ALLC: variants seen among roughly 807,000 people sequenced by gnomAD.
ALLC encodes the protein allantoicase.
Under a neutral mutation model 45.0 loss-of-function variants are expected in ALLC, and 40 were observed. The ratio of observed to expected loss-of-function variants is 0.89; its 90% CI spans 0.69 to 1.16. ALLC has a LOEUF of 1.16. Among genes scored for constraint, ALLC ranks in the 50% most tolerant of loss-of-function variants. The probability of loss-of-function intolerance (pLI) is 0.00; values close to 1 mark genes in which losing one functional copy is unlikely to be tolerated. For synonymous variants in ALLC, 176 were observed against 178.1 expected (o/e 0.99, Z 0.09); for missense variants, 488 against 493.1 (o/e 0.99, Z 0.10).
At chr2:3,701,483 G>A in intron 10 of ALLC, 29 bp from the exon 11 acceptor site, 5 of 1,556,752 alleles carry the variant, frequency 3.2e-6, no homozygotes, top group Non-Finnish European at 3.5e-6. Flanking sequence ...AATGCGGGCA[G>A]AAAATCACGC....
rs2148009401 is a variant in ALLC at position 3,683,318 on chromosome 2, T to C, written c.511+244T>C. ...TGGAACTAAGTTGTATTAGGTTAGA[T>C]AGATCCTAACTAGATTTCACAAGTA... On this transcript the variant is annotated intron_variant, in intron 7 of 11. Coordinates refer to ENST00000252505, the MANE Select transcript of ALLC (RefSeq NM_018436.4). 1.3e-5 allele frequency among the ~76,000 whole-genome samples: 2 copies of C among 152,368 alleles called. 1 individual carries two copies. The highest frequency in any genetic ancestry group is 4.1e-4 in the South Asian group (2 of 4,830).
chr2:3,655,603 G>T (rs1482730914), upstream of ALLC, among the ~76,000 whole-genome samples: 1 of 152,174 alleles, frequency 6.6e-6, no homozygotes, highest in Non-Finnish European at 1.5e-5. Flanking sequence ...ATACAGGTGT[G>T]TGTCATCATG....
intron 7 of ALLC, among the ~76,000 whole-genome samples, chr2:3,694,180 GC>G (rs1667597011): frequency 6.6e-6 from 1 of 152,164 alleles, no homozygotes; most frequent in Non-Finnish European, 1.5e-5. Context: ...CTGAGTGGAA[GC>G]CCTGCTTTTC....
chr2:3,697,769 G>T (rs1013513397), intron 10 of ALLC, among the ~76,000 whole-genome samples: 1 of 151,868 alleles, frequency 6.6e-6, no homozygotes, highest in African/African-American at 2.4e-5. Context: ...GGGTCCAAGC[G>T]ATTCTCCTGC....
intron 10 of ALLC, 70 bp from the exon 11 acceptor site, chr2:3,701,442 G>T: frequency 6.9e-7 from 1 of 1,449,326 alleles, no homozygotes; most frequent in Non-Finnish European, 9.2e-7. Flanking sequence ...TATTAAAAAA[G>T]CATGATATCC....
Position 3,674,010 on chromosome 2 carries a change from G to A in ALLC, c.34-65G>A, listed in dbSNP as rs12466005. 1.2e-3 allele frequency: 1,477 copies of A among 1,190,942 alleles called. 15 individuals carry two copies. In the Admixed American group the frequency reaches 0.016, roughly 13 times the overall value. 73.8% of individuals were successfully genotyped at this position (1,190,942 alleles called of 1,614,324 possible). A position where few individuals can be genotyped will look rare whatever the true frequency, so the allele number is the denominator to read the frequency against. ...CTTCATCTCATAATGTTTCACTAGG[G>A]AATGAAATAAAATGGTATCAGATTT... On this transcript the variant is annotated intron_variant, in intron 2 of 11. Coordinates refer to ENST00000252505, the MANE Select transcript of ALLC (RefSeq NM_018436.4).
intron 1 of ALLC, among the ~76,000 whole-genome samples, chr2:3,659,781 C>T (rs1666525566): frequency 1.3e-5 from 2 of 152,242 alleles, no homozygotes; most frequent in Non-Finnish European, 2.9e-5. Flanking sequence ...TGCCTGGAAT[C>T]TCTCGGGAAC....
the ALLC span, among the ~76,000 whole-genome samples, chr2:3,646,811 C>T: frequency 2.0e-5 from 3 of 152,198 alleles, no homozygotes; most frequent in Non-Finnish European, 2.9e-5. Context: ...GAATATTTCT[C>T]CGTTTCTGAC....
intron 1 of ALLC, 53 bp from the exon 2 acceptor site, chr2:3,671,043 C>T: frequency 9.3e-7 from 1 of 1,076,556 alleles, no homozygotes; most frequent in South Asian, 1.4e-5. Flanking sequence ...TAGACGGGGC[C>T]TCACTCACTC....
At chr2:3,675,429 C>A (rs1666997373) in intron 3 of ALLC, among the ~76,000 whole-genome samples, 1 of 147,264 alleles carries the variant, frequency 6.8e-6, no homozygotes, top group African/African-American at 2.5e-5. Context: ...TCACTGGCAA[C>A]AAGAGAGATC....
chr2:3,683,773 G>T (rs1667258791), intron 7 of ALLC, among the ~76,000 whole-genome samples: 1 of 152,130 alleles, frequency 6.6e-6, no homozygotes, highest in Non-Finnish European at 1.5e-5. Flanking sequence ...TCTCAAATCT[G>T]AAAGCCCCAA....
chr2:3,658,792 C>G (rs147036922), intron 1 of ALLC, among the ~76,000 whole-genome samples: 1 of 146,458 alleles, frequency 6.8e-6, no homozygotes, highest in Non-Finnish European at 1.5e-5. Context: ...TGCTTGAGCC[C>G]GGGATGGGAT....
chr2:3,691,879 A>G (rs1667526366), intron 7 of ALLC, among the ~76,000 whole-genome samples: 1 of 151,822 alleles, frequency 6.6e-6, no homozygotes, highest in African/African-American at 2.4e-5. Flanking sequence ...TGCTTGCTTC[A>G]TTCTATTCTT....
At chr2:3,670,616 G>A (rs769577848) in intron 1 of ALLC, among the ~76,000 whole-genome samples, 6 of 152,320 alleles carry the variant, frequency 3.9e-5, no homozygotes, top group African/African-American at 1.4e-4. Flanking sequence ...TGGCCTGCGC[G>A]TCAGTGGACG....
At chr2:3,667,913 C>T (rs140397093) in intron 1 of ALLC, among the ~76,000 whole-genome samples, 2,376 of 152,136 alleles carry the variant, frequency 0.016, 62 homozygotes, top group African/African-American at 0.054. Context: ...TACAGGCATG[C>T]GCCACCATGC....
the ALLC span, among the ~76,000 whole-genome samples, chr2:3,651,316 G>T: frequency 5.5e-3 from 210 of 38,218 alleles, 32 homozygotes; most frequent in African/African-American, 0.016. Context: ...GGGTGGGTGG[G>T]GGGGGTGTGT....
At chr2:3,674,702 T>C (rs1348655684) in intron 3 of ALLC, among the ~76,000 whole-genome samples, 1 of 152,152 alleles carries the variant, frequency 6.6e-6, no homozygotes, top group African/African-American at 2.4e-5. Context: ...AAATGGTTGC[T>C]CTCTGTCTGG....
In ALLC at chr2:3,701,517, G is replaced by A. The variant is rs1274052602; in HGVS notation, c.856G>A (p.Ala286Thr). ...GCTGTGTTTTGCTCCAACAGGCAAT[G>A]CTCCTGACAGCTGTAAAGTGGATGG... ...EIDTKYFEGN[A>T]PDSCKVDGCI... The change falls in exon 11 of 12, where the codon GCT becomes ACT. Residue 286 changes from alanine to threonine, a missense_variant. Physicochemically the swap from Ala to Thr is moderately conservative, Grantham distance 58. Coordinates refer to ENST00000252505, the MANE Select transcript of ALLC (RefSeq NM_018436.4). 1 of 1,592,024 alleles carries A rather than the reference G, an allele frequency of 6.3e-7. No homozygotes were observed. The highest frequency in any genetic ancestry group is 1.7e-5 in the Admixed American group (1 of 57,274).
rs769524729 is a variant in ALLC, at chr2:3,701,608, A to G, written c.947A>G (p.Lys316Arg). The stretch of plus-strand genomic sequence containing the variant: ...CAAAAGTGGATTCTCCCGGCCCACA[A>G]GTGGAAACCACTGCTTCCAGTGACC... Reference protein sequence around the residue: ...IRQKWILPAHKWKPLLPVTKL... With the variant: ...IRQKWILPAHRWKPLLPVTKL... The change falls in exon 11 of 12, where the codon AAG (lysine) becomes AGG (arginine). Residue 316 changes from lysine to arginine, a missense_variant. Transcript: ENST00000252505. The G allele has an allele frequency of 8.1e-6, 13 of 1,611,640 alleles. No individual in the cohort carries two copies. In the South Asian group the frequency reaches 8.9e-5, roughly 11 times the overall value.
Sources: gnomAD v4.1 joint callset for allele counts (sites outside exome capture counted in the v4.1 genomes callset) on GRCh38, gnomAD v4.1.1 for gene constraint, MANE v1.5 for transcripts, NCBI Gene and HGNC (gene_info 2026-07-23, HGNC 2026-07-21) for gene names.